The following HSPA14 variants were observed in gnomAD, a reference collection of about 807,000 sequenced individuals.
HSPA14 encodes heat shock protein family A (Hsp70) member 14, also known as heat shock 70 kDa protein 14.
In HSPA14, 37 loss-of-function variants were observed where a neutral mutation model predicts 65.5. The observed-to-expected ratio is 0.56, with a 90% CI of 0.43 to 0.74. HSPA14 has a LOEUF of 0.74. Among genes scored for constraint, HSPA14 ranks in the 30% least tolerant of loss-of-function variants. The pLI is 0.00. For missense variants in HSPA14, 564 were observed against 607.6 expected (o/e 0.93, Z 0.75); for synonymous variants, 203 against 214.2 (o/e 0.95, Z 0.46).
chr10:14,845,136 C>G (rs984875136), intron 3 of HSPA14: 1 of 985,426 alleles, frequency 1.0e-6, no homozygotes, highest in Non-Finnish European at 1.2e-6. Flanking sequence ...CAGACACACA[C>G]TGGGGAGAGA....
At chr10:14,850,042 G>A (rs1001985492) in intron 6 of HSPA14, among the ~76,000 whole-genome samples, 2 of 152,210 alleles carry the variant, frequency 1.3e-5, no homozygotes, top group Admixed American at 6.5e-5. Flanking sequence ...ACGGGGGGGC[G>A]GCGGGTGGAC....
chr10:14,838,956 CG>C lies in HSPA14; in HGVS notation c.57+499del, dbSNP rs571837135. Among the ~76,000 whole-genome samples the C allele has an allele frequency of 9.2e-4, 140 of 152,186 alleles. 1 individual carries two copies. The highest frequency in any genetic ancestry group is 3.2e-3 in the African/African-American group (132 of 41,508). On this transcript the variant is annotated intron_variant, in intron 1 of 13. Transcript: ENST00000378372. The stretch of plus-strand genomic sequence containing the variant: ...GTTGTGGCCGCGAGGTACTTGGAGG[CG>C]GTGGTCTCTGGGACAGCAGGGCCGC...
chr10:14,842,257 G>A lies in HSPA14; in HGVS notation c.221+2100G>A. The A allele has an allele frequency of 1.3e-6, 2 of 1,535,344 alleles. No individual in the cohort carries two copies. Among genetic ancestry groups the A allele is most frequent in the South Asian group, 1.2e-5 (1 of 83,988 alleles). On this transcript the variant is annotated intron_variant, in intron 3 of 13. Coordinates refer to ENST00000378372, the MANE Select transcript of HSPA14 (RefSeq NM_016299.4). The surrounding 1 kb of genome is among the most constrained non-coding windows in gnomAD (Gnocchi z 5.2). ...CAGACTTGCACCTTGCTGTCCAGAA[G>A]CTGCCTAGCCCTCCTTTCCAACCCA...
rs1588823457 is a variant in HSPA14, at chr10:14,870,663, A to G, written c.1447A>G (p.Lys483Glu). Residue 483 changes from lysine (K) to glutamate (E), a missense_variant, in exon 13 of 14, where the codon AAA becomes GAA. Transcript: ENST00000378372. ...LRDILAVLTM[K>E]RDGSLHVTCT... ...TGATATATTAGCTGTTCTTACTATG[A>G]AAAGGTAAAAAATTAAACTTCTGTT... is the stretch of plus-strand genomic sequence containing the variant. 1.3e-6 allele frequency: 2 copies of G among 1,562,800 alleles called. No homozygotes were observed. Among genetic ancestry groups the G allele is most frequent in the Non-Finnish European group, 1.7e-6 (2 of 1,148,712 alleles).
At chr10:14,843,534 G>A in intron 3 of HSPA14, 1 of 1,550,728 alleles carries the variant, frequency 6.4e-7, no homozygotes, top group Non-Finnish European at 8.7e-7. Context: ...CCACACCGCA[G>A]ACTCCAGTCT....
chr10:14,854,007 C>T (rs181498615), intron 8 of HSPA14, 118 bp from the exon 9 acceptor site: 285 of 1,008,960 alleles, frequency 2.8e-4, no homozygotes, highest in East Asian at 1.6e-3. Flanking sequence ...CGTGAGCCAC[C>T]GCACCCGGCC....
intron 3 of HSPA14, chr10:14,844,493 TA>T (rs765348559): frequency 2.6e-6 from 2 of 755,202 alleles, no homozygotes; most frequent in Non-Finnish European, 3.1e-6. Flanking sequence ...TAGACGACTA[TA>T]AGCACAACCT....
chr10:14,857,564 A>C (rs1832715136), intron 10 of HSPA14, among the ~76,000 whole-genome samples: 1 of 152,058 alleles, frequency 6.6e-6, no homozygotes, highest in African/African-American at 2.4e-5. Context: ...GTAAATTTTT[A>C]TCTCATATTA....
rs1368442928 is a variant in HSPA14, at chr10:14,867,170, A to G, written c.1081A>G (p.Ile361Val). Residue 361 changes from isoleucine (I) to valine (V), a missense_variant, in exon 11 of 14, where the codon ATC becomes GTC. Physicochemically the swap from Ile to Val is conservative, Grantham distance 29. Coordinates refer to ENST00000378372, the MANE Select transcript of HSPA14 (RefSeq NM_016299.4). Reference sequence around the variant, plus strand: ...CCCAGCTGTTGAGCTTCTCAATTCTATCCCTCCTGATGAAGTGATCCCTAT... The same window carrying G: ...CCCAGCTGTTGAGCTTCTCAATTCTGTCCCTCCTGATGAAGTGATCCCTAT... The part of the protein sequence containing the change: ...LFPAVELLNS[I>V]PPDEVIPIGA... 1.9e-6 allele frequency: 3 copies of G among 1,613,556 alleles called. No homozygotes were observed. The highest frequency in any genetic ancestry group is 1.7e-5 in the Admixed American group (1 of 60,024).
intron 6 of HSPA14, among the ~76,000 whole-genome samples, chr10:14,850,037 G>C (rs1265371128): frequency 6.6e-6 from 1 of 152,156 alleles, no homozygotes; most frequent in Non-Finnish European, 1.5e-5. Flanking sequence ...CACTGACGGG[G>C]GGGCGGCGGG....
intron 12 of HSPA14, among the ~76,000 whole-genome samples, chr10:14,868,459 A>C (rs1451027105): frequency 6.6e-6 from 1 of 152,136 alleles, no homozygotes; most frequent in Non-Finnish European, 1.5e-5. Flanking sequence ...AAGTAGAGCC[A>C]CGTTATTTAC....
chr10:14,852,853 G>A (rs1400615494), intron 8 of HSPA14, among the ~76,000 whole-genome samples: 1 of 152,182 alleles, frequency 6.6e-6, no homozygotes, highest in East Asian at 1.9e-4. Context: ...TAGGCACTGA[G>A]GCTTCATTGC....
intron 3 of HSPA14, chr10:14,844,168 A>T: frequency 1.6e-6 from 2 of 1,266,690 alleles, no homozygotes; most frequent in Non-Finnish European, 2.0e-6. Context: ...GATGTGAAGC[A>T]GTTTACCTCC....
chr10:14,838,580 C>A (rs951340728), intron 1 of HSPA14, 121 bp downstream of exon 1: 1 of 968,632 alleles, frequency 1.0e-6, no homozygotes. Context: ...AGTGGCGTTG[C>A]CGCGAGGACA....
rs1326456679 is a variant in HSPA14 at position 14,842,006 on chromosome 10, A to T, written c.221+1849A>T. On this transcript the variant is annotated intron_variant, in intron 3 of 13. Coordinates refer to ENST00000378372, the MANE Select transcript of HSPA14 (RefSeq NM_016299.4). The surrounding 1 kb of genome is among the most constrained non-coding windows in gnomAD (Gnocchi z 5.2). The stretch of plus-strand genomic sequence containing the variant: ...CCGTGTCTACCCTGGGTGAACTCCC[A>T]AAGTTGGGCTATCTCAGTCTTGGCC... 1.6e-6 allele frequency: 1 copy of T among 610,880 alleles called. No individual in the cohort carries two copies. Among genetic ancestry groups the T allele is most frequent in the African/African-American group, 1.8e-5 (1 of 54,562 alleles). 37.8% of individuals were successfully genotyped at this position (610,880 alleles called of 1,614,324 possible). A position where few individuals can be genotyped will look rare whatever the true frequency, so the allele number is the denominator to read the frequency against.
At chr10:14,848,414 T>G (rs527693995) in intron 3 of HSPA14, among the ~76,000 whole-genome samples, 195 bp from the exon 4 acceptor site, 1 of 152,366 alleles carries the variant, frequency 6.6e-6, no homozygotes, top group East Asian at 1.9e-4. Flanking sequence ...TTTAGTAGAA[T>G]TACTATAACC....
chr10:14,868,032 AT>A (rs1832822319), intron 12 of HSPA14, 123 bp downstream of exon 12: 1 of 746,758 alleles, frequency 1.3e-6, no homozygotes, highest in East Asian at 2.9e-5. Context: ...TTTATGAAGG[AT>A]TTTATGAAGG....
rs760611940 is a variant in HSPA14 at position 14,851,267 on chromosome 10, A to G, written c.516A>G (p.Glu172=). 6.2e-7 allele frequency: 1 copy of G among 1,613,054 alleles called. No homozygotes were observed. The highest frequency in any genetic ancestry group is 1.7e-4 in the Middle Eastern group (1 of 6,060). ...AGFNVLRLIH[E]PSAALLAYGI... ...TTAATGTTTTGCGATTAATTCACGA[A>G]CCGTCTGCAGCTCTTCTTGCTTATG... is the stretch of plus-strand genomic sequence containing the variant. Residue 172 remains glutamate, a synonymous_variant, in exon 7 of 14, where the codon GAA becomes GAG. Transcript: ENST00000378372.
intron 7 of HSPA14, among the ~76,000 whole-genome samples, chr10:14,851,991 G>A (rs758407114): frequency 1.3e-5 from 2 of 152,192 alleles, no homozygotes; most frequent in African/African-American, 4.8e-5. Flanking sequence ...TTTTGCATAT[G>A]TAATATATCT....
Sources: gnomAD v4.1 joint callset for allele counts (sites outside exome capture counted in the v4.1 genomes callset) on GRCh38, gnomAD v4.1.1 for gene constraint, Gnocchi (gnomAD v3.1) non-coding constraint, MANE v1.5 for transcripts, NCBI Gene and HGNC (gene_info 2026-07-23, HGNC 2026-07-21) for gene names.